Variants in ARFGEF2 observed in about 807,000 individuals in gnomAD.
The protein encoded by ARFGEF2 is ARF guanine nucleotide exchange factor 2, also known as brefeldin A-inhibited guanine nucleotide-exchange protein 2.
ARFGEF2 carries 74 observed loss-of-function variants against 219.9 expected under a neutral mutation model. The ratio of observed to expected loss-of-function variants is 0.34; its 90% CI spans 0.28 to 0.41. ARFGEF2 has a LOEUF of 0.41. Among genes scored for constraint, ARFGEF2 ranks in the 10% least tolerant of loss-of-function variants. The probability of loss-of-function intolerance (pLI) is 1.00; values close to 1 mark genes in which losing one functional copy is unlikely to be tolerated. For missense variants in ARFGEF2, 1,743 were observed against 2,218.3 expected (o/e 0.79, Z 4.30); for synonymous variants, 733 against 799.2 (o/e 0.92, Z 1.40).
chr20:48,994,417 A>AGG, intron 21 of ARFGEF2, 34 bp from the exon 22 acceptor site: 1 of 1,613,116 alleles, frequency 6.2e-7, no homozygotes, highest in South Asian at 1.1e-5. Context: ...GCTGTAAGGT[A>AGG]GGAACTCATT....
At chr20:48,963,194 T>A (rs1034138177) in intron 6 of ARFGEF2, among the ~76,000 whole-genome samples, 12 of 105,096 alleles carry the variant, frequency 1.1e-4, no homozygotes, top group South Asian at 2.9e-4. Flanking sequence ...AAAAAAGTAA[T>A]GTTTACTTCT....
chr20:48,950,809 AAAATAT>A (rs1384379462), intron 3 of ARFGEF2, among the ~76,000 whole-genome samples: 84 of 41,104 alleles, frequency 2.0e-3, no homozygotes, highest in African/African-American at 7.5e-3. Context: ...AAAAAAAAAA[AAAATAT>A]ATATATATAT....
At chr20:48,972,919 A>T (rs1600623945) in intron 11 of ARFGEF2, among the ~76,000 whole-genome samples, 1 of 152,146 alleles carries the variant, frequency 6.6e-6, no homozygotes, top group African/African-American at 2.4e-5. Flanking sequence ...TGAGGCTTGG[A>T]TGGGTGGAAT....
At chr20:48,938,622 A>G (rs1399059345) in intron 1 of ARFGEF2, among the ~76,000 whole-genome samples, 1 of 152,232 alleles carries the variant, frequency 6.6e-6, no homozygotes, top group Non-Finnish European at 1.5e-5. Context: ...GGTTAATGTT[A>G]ACTGTAGTCA....
At chr20:49,015,780 T>C (rs62210369) in intron 30 of ARFGEF2, among the ~76,000 whole-genome samples, 16,195 of 152,282 alleles carry the variant, frequency 0.11, 1,016 homozygotes, top group Non-Finnish European at 0.13. Context: ...CTGTATCACA[T>C]TGAAAAAGTG....
chr20:48,980,083 A>G (rs530139678), intron 14 of ARFGEF2, among the ~76,000 whole-genome samples: 42 of 152,150 alleles, frequency 2.8e-4, no homozygotes, highest in Non-Finnish European at 1.0e-4. Flanking sequence ...TAGTGTGTCA[A>G]TTTTAGATCT....
Position 48,994,546 on chromosome 20 carries a change from G to A in ARFGEF2, c.3069G>A (p.Gly1023=). 1 of 1,614,122 alleles carries A rather than the reference G, an allele frequency of 6.2e-7. No individual in the cohort carries two copies. The highest frequency in any genetic ancestry group is 8.5e-7 in the Non-Finnish European group (1 of 1,180,020). Residue 1023 remains glycine (G), a synonymous_variant, in exon 22 of 39, where the codon GGG becomes GGA. Coordinates refer to ENST00000371917, the MANE Select transcript of ARFGEF2 (RefSeq NM_006420.3). ...YLSGSGRERE[G]SLKGHTLAGE... ...CTGGATCTGGGCGTGAAAGAGAAGG[G>A]AGCCTGAAGGGCCACACATTGGCAG...
chr20:49,010,914 C>T (rs1401360619), intron 27 of ARFGEF2, among the ~76,000 whole-genome samples: 2 of 152,232 alleles, frequency 1.3e-5, no homozygotes, highest in South Asian at 2.1e-4. Flanking sequence ...AGGTGGCACC[C>T]TGCCTTCTTG....
chr20:48,989,294 G>C lies in ARFGEF2; in HGVS notation c.2543G>C (p.Ser848Thr), dbSNP rs375786927. 1.7e-5 allele frequency: 27 copies of C among 1,614,070 alleles called. No homozygotes were observed. The highest frequency in any genetic ancestry group is 5.5e-5 in the South Asian group (5 of 91,088). The change falls in exon 19 of 39, where the codon AGT (serine) becomes ACT (threonine). Residue 848 changes from serine (S) to threonine (T), a missense_variant. By Grantham distance (58) the Ser-to-Thr change is moderately conservative. This residue lies in a region of ARFGEF2 where 666 missense variants were observed against 955.4 expected (regional missense o/e 0.70). Transcript: ENST00000371917. ...ATKSTKQNVA[S>T]EKQRRLLYNL... is the part of the protein sequence containing the mutation. ...TGCTCTTACTTTACAGATGTAGCTA[G>C]TGAAAAGCAGCGGCGGCTGCTGTAC...
chr20:48,926,209 T>A (rs2090875996), intron 1 of ARFGEF2, among the ~76,000 whole-genome samples: 1 of 152,220 alleles, frequency 6.6e-6, no homozygotes. Context: ...ATGAAAGTTG[T>A]TATGTTTGAA....
chr20:49,002,926 G>T (rs147686328), intron 25 of ARFGEF2, among the ~76,000 whole-genome samples: 1 of 150,526 alleles, frequency 6.6e-6, no homozygotes, highest in Admixed American at 6.6e-5. Flanking sequence ...GATTACAGGC[G>T]TGAGCCACCA....
At chr20:48,979,727 T>C (rs1482290549) in intron 14 of ARFGEF2, among the ~76,000 whole-genome samples, 1 of 152,240 alleles carries the variant, frequency 6.6e-6, no homozygotes, top group African/African-American at 2.4e-5. Flanking sequence ...TCGAGGAATT[T>C]ATCCATTGCT....
intron 1 of ARFGEF2, among the ~76,000 whole-genome samples, chr20:48,935,824 AC>A (rs1316783476): frequency 8.7e-6 from 1 of 114,518 alleles, no homozygotes; most frequent in Non-Finnish European, 1.8e-5. Context: ...CGGGGGGCTG[AC>A]CCCCCAACCT....
At chr20:48,932,044 C>T (rs1372061901) in intron 1 of ARFGEF2, among the ~76,000 whole-genome samples, 1 of 152,076 alleles carries the variant, frequency 6.6e-6, no homozygotes, top group African/African-American at 2.4e-5. Context: ...GTTGCTTGGC[C>T]TAGGGTGATA....
At chr20:49,025,041 G>GAC (rs2091593445) in intron 35 of ARFGEF2, among the ~76,000 whole-genome samples, 1 of 152,086 alleles carries the variant, frequency 6.6e-6, no homozygotes, top group Admixed American at 6.6e-5. Flanking sequence ...AATAATTGGA[G>GAC]ACACACACAC....
chr20:48,968,371 C>G (rs973164086), intron 8 of ARFGEF2, among the ~76,000 whole-genome samples: 3 of 151,256 alleles, frequency 2.0e-5, no homozygotes, highest in Admixed American at 6.6e-5. Context: ...TTCGTAATAC[C>G]TATACTTTGT....
At chr20:48,961,692 TG>T (rs565379112) in intron 6 of ARFGEF2, among the ~76,000 whole-genome samples, 85 of 152,062 alleles carry the variant, frequency 5.6e-4, no homozygotes, top group African/African-American at 2.0e-3. Flanking sequence ...GGCAAAACCC[TG>T]TCTCTACTAA....
chr20:49,011,891 GTCT>G, intron 27 of ARFGEF2, 30 bp from the exon 28 acceptor site: 1 of 1,613,614 alleles, frequency 6.2e-7, no homozygotes, highest in Non-Finnish European at 8.5e-7. Context: ...CTAAATCCTG[GTCT>G]TATGAAAAAT....
chr20:48,944,756 G>A (rs558114943), intron 3 of ARFGEF2, among the ~76,000 whole-genome samples: 22 of 152,276 alleles, frequency 1.4e-4, no homozygotes, highest in Admixed American at 1.2e-3. Context: ...ATGAGCCACT[G>A]CACCCAGTGG....
Sources: gnomAD v4.1 joint callset for allele counts (sites outside exome capture counted in the v4.1 genomes callset) on GRCh38, gnomAD v4.1.1 for gene constraint, gnomAD v4.1.1 regional missense constraint, MANE v1.5 for transcripts, NCBI Gene and HGNC (gene_info 2026-07-23, HGNC 2026-07-21) for gene names.